The following MAGOHB variants were observed in gnomAD, a reference collection of about 807,000 sequenced individuals.
The protein encoded by MAGOHB is mago homolog B, exon junction complex subunit.
In MAGOHB, 15 loss-of-function variants were observed where a neutral mutation model predicts 20.9. The observed-to-expected ratio is 0.72, with a 90% CI of 0.48 to 1.11. The LOEUF (loss-of-function observed/expected upper bound fraction) is 1.11. Among genes scored for constraint, MAGOHB ranks in the 50% least tolerant of loss-of-function variants. MAGOHB has a pLI of 0.00. For missense variants in MAGOHB, 162 were observed against 177.6 expected (o/e 0.91, Z 0.50); for synonymous variants, 50 against 57.9 (o/e 0.86, Z 0.62).
At chr12:10,607,799 T>C in intron 4 of MAGOHB, 55 bp downstream of exon 4, 1 of 964,502 alleles carries the variant, frequency 1.0e-6, no homozygotes, top group Non-Finnish European at 1.6e-6. Flanking sequence ...ACTATAGTTC[T>C]AAAATGAGCC....
chr12:10,607,991 C>T, intron 3 of MAGOHB, 55 bp from the exon 4 acceptor site: 2 of 1,094,474 alleles, frequency 1.8e-6, no homozygotes, highest in Non-Finnish European at 1.3e-6. Flanking sequence ...CCAGAGGTAT[C>T]TGTATTCTTG....
rs1865696360 is a variant in MAGOHB, at chr12:10,610,074, G to C, written c.154-133C>G. On this transcript the variant is annotated intron_variant, in intron 2 of 4. Transcript: ENST00000320756. ...AATTTAATTGATTCCAAAAGTAGAGGAGACAGAATCACTTATCCTTGTTAC... is the reference window on the plus strand; with the variant it reads ...AATTTAATTGATTCCAAAAGTAGAGCAGACAGAATCACTTATCCTTGTTAC... 18 of 557,620 alleles carry C rather than the reference G, an allele frequency of 3.2e-5. 1 individual carries two copies. The South Asian group carries it at 4.3e-4, about 13-fold the overall frequency. The allele number at this position is 557,620 out of a possible 1,614,324, so 34.5% of individuals were successfully genotyped here. A position where few individuals can be genotyped will look rare whatever the true frequency, so the allele number is the denominator to read the frequency against.
At position 10,613,388 on chromosome 12, in the gene MAGOHB, C is replaced by G. The variant is rs373351504; in HGVS notation, c.94+51G>C. The G allele has an allele frequency of 6.5e-6, 10 of 1,535,936 alleles. No individual in the cohort carries two copies. In the Admixed American group the frequency reaches 1.5e-4, roughly 23 times the overall value. Reference sequence around the variant, plus strand: ...CTGTACCCTCCACACCACCCGGCCTCTCGGTCTCGCTCCCCTTTCCCAGCA... The same window carrying G: ...CTGTACCCTCCACACCACCCGGCCTGTCGGTCTCGCTCCCCTTTCCCAGCA... On this transcript the variant is annotated intron_variant, in intron 1 of 4. Coordinates refer to ENST00000320756, the MANE Select transcript of MAGOHB (RefSeq NM_018048.5).
intron 1 of MAGOHB, chr12:10,613,038 C>T (rs1400836434): frequency 4.3e-6 from 4 of 938,974 alleles, no homozygotes; most frequent in East Asian, 6.1e-5. Flanking sequence ...TTTGTTAACA[C>T]GTTGGGCTCC....
chr12:10,600,972 T>G (rs1331722168), downstream of MAGOHB, among the ~76,000 whole-genome samples: 2 of 152,184 alleles, frequency 1.3e-5, no homozygotes, highest in Non-Finnish European at 2.9e-5. Flanking sequence ...TTTTACTCAA[T>G]AATGTAGGCA....
chr12:10,603,998 T>G (rs1210580583), downstream of MAGOHB, among the ~76,000 whole-genome samples: 1 of 152,116 alleles, frequency 6.6e-6, no homozygotes, highest in Non-Finnish European at 1.5e-5. Context: ...ACAAATAGAC[T>G]CAGCCTGATA....
downstream of MAGOHB, among the ~76,000 whole-genome samples, chr12:10,600,277 A>C (rs1340530912): frequency 6.6e-6 from 1 of 152,020 alleles, no homozygotes; most frequent in African/African-American, 2.4e-5. Flanking sequence ...AATTCATCTG[A>C]AATGTTATTT....
chr12:10,611,083 T>A (rs1296993790), intron 1 of MAGOHB, among the ~76,000 whole-genome samples: 2 of 152,206 alleles, frequency 1.3e-5, no homozygotes, highest in East Asian at 3.8e-4. Flanking sequence ...GGTTTTATTC[T>A]CTCACCTATT....
downstream of MAGOHB, among the ~76,000 whole-genome samples, chr12:10,601,915 G>C (rs142220401): frequency 6.6e-6 from 1 of 152,246 alleles, no homozygotes; most frequent in Non-Finnish European, 1.5e-5. Flanking sequence ...TTCTAATAGG[G>C]GAAACACCAG....
downstream of MAGOHB, among the ~76,000 whole-genome samples, chr12:10,601,138 T>C (rs1273582779): frequency 4.6e-5 from 7 of 152,140 alleles, no homozygotes; most frequent in Non-Finnish European, 1.0e-4. Context: ...TAAAGGAAGT[T>C]AGTTCTGTGA....
chr12:10,607,778 C>T (rs1865655369), intron 4 of MAGOHB, 76 bp downstream of exon 4: 1 of 791,834 alleles, frequency 1.3e-6, no homozygotes, highest in Non-Finnish European at 2.1e-6. Flanking sequence ...ATTATCTTGG[C>T]TAGCAAACTG....
Position 10,610,067 on chromosome 12 carries a change from A to C in MAGOHB, c.154-126T>G. ...ATAGAAAAATTTAATTGATTCCAAA[A>C]GTAGAGGAGACAGAATCACTTATCC... is the stretch of plus-strand genomic sequence containing the variant. On this transcript the variant is annotated intron_variant, in intron 2 of 4. Coordinates refer to ENST00000320756, the MANE Select transcript of MAGOHB (RefSeq NM_018048.5). 7.1e-6 allele frequency: 4 copies of C among 562,264 alleles called. No individual in the cohort carries two copies. In the South Asian group the frequency reaches 1.0e-4, roughly 14 times the overall value. The allele number at this position is 562,264 out of a possible 1,614,324, so 34.8% of individuals were successfully genotyped here. A position where few individuals can be genotyped will look rare whatever the true frequency, so the allele number is the denominator to read the frequency against.
chr12:10,612,764 T>C lies in MAGOHB; in HGVS notation c.94+675A>G, dbSNP rs562743903. The C allele has an allele frequency of 6.4e-5, 80 of 1,251,924 alleles. No individual in the cohort carries two copies. The East Asian group carries it at 3.6e-3, about 57-fold the overall frequency. 77.6% of individuals were successfully genotyped at this position (1,251,924 alleles called of 1,614,324 possible). A position where few individuals can be genotyped will look rare whatever the true frequency, so the allele number is the denominator to read the frequency against. On this transcript the variant is annotated intron_variant, in intron 1 of 4. Coordinates refer to ENST00000320756, the MANE Select transcript of MAGOHB (RefSeq NM_018048.5). ...AGATCAATGTAACATTCTCTAAGGA[T>C]AGCGCTGTCAGAAAACACACTGTTG...
chr12:10,612,933 T>G (rs1426521429), intron 1 of MAGOHB: 2 of 1,289,076 alleles, frequency 1.6e-6, no homozygotes, highest in East Asian at 5.5e-5. Flanking sequence ...GACTCCCTCC[T>G]GTGGAACTTT....
chr12:10,601,200 G>A (rs922795434), downstream of MAGOHB, among the ~76,000 whole-genome samples: 2 of 152,090 alleles, frequency 1.3e-5, no homozygotes, highest in Admixed American at 6.5e-5. Flanking sequence ...TAGTAATAGC[G>A]GATGTTGAAA....
intron 1 of MAGOHB, among the ~76,000 whole-genome samples, chr12:10,611,212 AT>A (rs901698102): frequency 6.6e-6 from 1 of 152,104 alleles, no homozygotes; most frequent in African/African-American, 2.4e-5. Context: ...TCTTTTAAAA[AT>A]TTTTTTCCTT....
chr12:10,607,324 A>G (rs902859612), intron 4 of MAGOHB, among the ~76,000 whole-genome samples: 2 of 152,124 alleles, frequency 1.3e-5, no homozygotes, highest in African/African-American at 4.8e-5. Flanking sequence ...CTATGGGGAC[A>G]CTTTGAGGGG....
At chr12:10,601,107 T>A (rs1421601009), downstream of MAGOHB, among the ~76,000 whole-genome samples, 1 of 152,162 alleles carries the variant, frequency 6.6e-6, no homozygotes, top group Non-Finnish European at 1.5e-5. Context: ...TATCCCTTTA[T>A]CTCAATGCCA....
chr12:10,607,832 C>A, intron 4 of MAGOHB, 22 bp downstream of exon 4: 1 of 1,443,036 alleles, frequency 6.9e-7, no homozygotes, highest in South Asian at 1.2e-5. Context: ...AAAACTTCGC[C>A]AAAATGCTTT....
Sources: allele counts gnomAD v4.1 joint callset (sites outside exome capture counted in the v4.1 genomes callset), GRCh38; gene constraint gnomAD v4.1.1; transcripts MANE v1.5; gene names NCBI Gene and HGNC (gene_info 2026-07-23, HGNC 2026-07-21).